The following DNMBP variants were observed in gnomAD, a reference collection of about 807,000 sequenced individuals.
The protein encoded by DNMBP is dynamin-binding protein.
In DNMBP, 87 loss-of-function variants were observed where a neutral mutation model predicts 150.0. The observed-to-expected ratio is 0.58, with a 90% CI of 0.49 to 0.69. The LOEUF is 0.69. Among genes scored for constraint, DNMBP ranks in the 30% least tolerant of loss-of-function variants. DNMBP has a pLI of 0.00. For missense variants in DNMBP, 1,774 were observed against 1,949.0 expected, an observed-to-expected ratio of 0.91 and a Z score of 1.69; for synonymous variants, 711 against 750.4, an observed-to-expected ratio of 0.95 and a Z score of 0.86.
intron 4 of DNMBP, among the ~76,000 whole-genome samples, chr10:99,919,877 A>C (rs1048277777): frequency 6.6e-6 from 1 of 152,252 alleles, no homozygotes; most frequent in Non-Finnish European, 1.5e-5. Flanking sequence ...AACTTCAGGA[A>C]TAGCAAAATA....
chr10:99,994,755 T>C (rs975832940), intron 1 of DNMBP, among the ~76,000 whole-genome samples: 7 of 152,226 alleles, frequency 4.6e-5, no homozygotes, highest in East Asian at 3.8e-4. Flanking sequence ...CCTGTACTTC[T>C]AGGAAAAACA....
intron 3 of DNMBP, among the ~76,000 whole-genome samples, chr10:99,964,469 C>A (rs2040597036): frequency 6.6e-6 from 1 of 151,584 alleles, no homozygotes; most frequent in African/African-American, 2.4e-5. Flanking sequence ...CTCCCCTCCA[C>A]CCCCCACCTT....
At chr10:99,897,871 C>T (rs561077149) in intron 9 of DNMBP, among the ~76,000 whole-genome samples, 1 of 152,188 alleles carries the variant, frequency 6.6e-6, no homozygotes, top group South Asian at 2.1e-4. Context: ...TGAGATAGCA[C>T]CACTGCACTC....
chr10:99,967,671 GTGTGTGTGTGT>G (rs2040633643), intron 3 of DNMBP, among the ~76,000 whole-genome samples: 1 of 142,038 alleles, frequency 7.0e-6, no homozygotes, highest in African/African-American at 2.8e-5. Context: ...TTTTCTGGGT[GTGTGTGTGTGT>G]GTGTGTGTGT....
intron 1 of DNMBP, among the ~76,000 whole-genome samples, chr10:99,980,623 ACT>A (rs2040772114): frequency 6.6e-6 from 1 of 151,304 alleles, no homozygotes. Context: ...TGAGAACCCA[ACT>A]CTACAAAAAA....
rs188468611 is a variant in DNMBP, at chr10:99,887,973, C to T, written c.3285+852G>A. Among the ~76,000 whole-genome samples the T allele has an allele frequency of 1.8e-3, 267 of 151,954 alleles. 2 individuals carry two copies. Among genetic ancestry groups the T allele is most frequent in the African/African-American group, 6.1e-3 (251 of 41,428 alleles). ...CCGAGTAGCTGGGATTACAGGTGTG[C>T]GCCACCACACCTGGCTAATTTTGTA... On this transcript the variant is annotated intron_variant, in intron 12 of 16. Transcript: ENST00000324109.
intron 1 of DNMBP, among the ~76,000 whole-genome samples, chr10:100,008,377 T>A: frequency 6.6e-6 from 1 of 152,224 alleles, no homozygotes; most frequent in Non-Finnish European, 1.5e-5. Flanking sequence ...ATTGCAAAAG[T>A]TATCAGTGCA....
chr10:99,931,067 C>T (rs2040151641), intron 4 of DNMBP: 3 of 292,088 alleles, frequency 1.0e-5, no homozygotes, highest in Non-Finnish European at 1.9e-5. Context: ...GTCAAACTGG[C>T]TTGGCTGCTT....
intron 4 of DNMBP, among the ~76,000 whole-genome samples, chr10:99,919,060 G>A (rs907132691): frequency 6.6e-6 from 1 of 152,090 alleles, no homozygotes; most frequent in Non-Finnish European, 1.5e-5. Flanking sequence ...CACAGAATCC[G>A]ATGTTCTATT....
At chr10:99,953,093 G>T (rs374071379) in intron 4 of DNMBP, among the ~76,000 whole-genome samples, 2 of 152,076 alleles carry the variant, frequency 1.3e-5, no homozygotes, top group African/African-American at 4.8e-5. Context: ...TCTCCTGTGA[G>T]TCTGGTGAAT....
intron 1 of DNMBP, among the ~76,000 whole-genome samples, chr10:99,982,692 C>A (rs1354330710): frequency 6.6e-6 from 1 of 152,094 alleles, no homozygotes; most frequent in Non-Finnish European, 1.5e-5. Flanking sequence ...GTGGCTCACG[C>A]CTGTAATCCC....
chr10:99,916,843 C>A, intron 4 of DNMBP, among the ~76,000 whole-genome samples: 1 of 152,052 alleles, frequency 6.6e-6, no homozygotes, highest in South Asian at 2.1e-4. Flanking sequence ...AAAATTTCCT[C>A]AAAAGGGTCT....
At chr10:100,007,281 C>T (rs576384685) in intron 1 of DNMBP, among the ~76,000 whole-genome samples, 2 of 152,352 alleles carry the variant, frequency 1.3e-5, no homozygotes, top group East Asian at 3.9e-4. Context: ...ACATATTTGT[C>T]TGTTTCCACC....
Position 99,909,153 on chromosome 10 carries a change from G to A in DNMBP, c.2261-7C>T, listed in dbSNP as rs989040214. 9.9e-6 allele frequency: 16 copies of A among 1,611,024 alleles called. No homozygotes were observed. In the African/African-American group the frequency reaches 1.6e-4, roughly 16 times the overall value. ...GAGGAGAGGAGCGTCATTTCTAGAAGGGAAAAGAGAACTGGTTAGCAGCTC... is the reference window on the plus strand; with the variant it reads ...GAGGAGAGGAGCGTCATTTCTAGAAAGGAAAAGAGAACTGGTTAGCAGCTC... On this transcript the variant is annotated splice_polypyrimidine_tract_variant and splice_region_variant and intron_variant, in intron 4 of 16. Transcript: ENST00000324109.
At chr10:99,933,353 C>T (rs1308326596) in intron 4 of DNMBP, among the ~76,000 whole-genome samples, 2 of 152,106 alleles carry the variant, frequency 1.3e-5, no homozygotes, top group Non-Finnish European at 2.9e-5. Context: ...ACTAAATAAT[C>T]TCTAAAGTAC....
intron 4 of DNMBP, among the ~76,000 whole-genome samples, chr10:99,917,968 C>CAAAAAAAA (rs749252887): frequency 1.1e-4 from 6 of 52,252 alleles, no homozygotes; most frequent in Non-Finnish European, 1.6e-4. Context: ...GACTCTGTCT[C>CAAAAAAAA]AAAAAAAAAA....
intron 4 of DNMBP, among the ~76,000 whole-genome samples, chr10:99,917,979 A>G (rs2039983574): frequency 8.2e-6 from 1 of 122,008 alleles, no homozygotes; most frequent in African/African-American, 3.0e-5. Flanking sequence ...AAAAAAAAAA[A>G]AAAAAAAAAA....
At position 99,955,229 on chromosome 10, in the gene DNMBP, G is replaced by A; in HGVS notation, c.2245C>T (p.Leu749Phe). ...ESNIESLNME[L>F]QQLREMTLLS... ...CGTCACTTACCTCTTAGTTGCTGGA[G>A]TTCCATATTCAAACTTTCAATGTTA... The change falls in exon 4 of 17, where the codon CTC (leucine) becomes TTC (phenylalanine). Residue 749 changes from leucine (L) to phenylalanine (F), a missense_variant. Physicochemically the swap from Leu to Phe is conservative, Grantham distance 22. This residue lies in a region of DNMBP where 1,430 missense variants were observed against 1,492.5 expected (regional missense o/e 0.96). Transcript: ENST00000324109. The A allele has an allele frequency of 6.2e-7, 1 of 1,612,900 alleles. No homozygotes were observed. Among genetic ancestry groups the A allele is most frequent in the Non-Finnish European group, 8.5e-7 (1 of 1,179,054 alleles).
At chr10:99,951,340 C>T (rs2040420482) in intron 4 of DNMBP, among the ~76,000 whole-genome samples, 1 of 152,268 alleles carries the variant, frequency 6.6e-6, no homozygotes. Context: ...GGGGTCAGAG[C>T]CTCTACACAG....
Sources: allele counts gnomAD v4.1 joint callset (sites outside exome capture counted in the v4.1 genomes callset), GRCh38; gene constraint gnomAD v4.1.1; regional missense constraint gnomAD v4.1.1; transcripts MANE v1.5; gene names NCBI Gene and HGNC (gene_info 2026-07-23, HGNC 2026-07-21).